Variants in SMYD3 observed in about 807,000 individuals in gnomAD.
SMYD3 encodes histone-lysine N-methyltransferase SMYD3.
A neutral mutation model predicts 57.7 loss-of-function variants in SMYD3; 36 were observed. The observed-to-expected ratio is 0.62, with a 90% CI of 0.48 to 0.82. The LOEUF is 0.82. Ranked by LOEUF, SMYD3 falls within the 40% of genes least tolerant of loss-of-function variation. The pLI, the probability that SMYD3 is intolerant of heterozygous loss-of-function variation, is 0.00. For missense variants in SMYD3, 515 were observed against 538.8 expected (o/e 0.96, Z 0.44); for synonymous variants, 211 against 195.0 (o/e 1.08, Z -0.68).
At chr1:245,923,780 T>C (rs567860788) in intron 7 of SMYD3, among the ~76,000 whole-genome samples, 1 of 152,328 alleles carries the variant, frequency 6.6e-6, no homozygotes, top group African/African-American at 2.4e-5. Flanking sequence ...CTTAATTCTA[T>C]TATTGTTTTC....
chr1:245,984,772 A>C (rs1274243312), intron 5 of SMYD3, among the ~76,000 whole-genome samples: 1 of 152,216 alleles, frequency 6.6e-6, no homozygotes, highest in East Asian at 1.9e-4. Context: ...AAGCATATAA[A>C]CATGTTCAAA....
intron 5 of SMYD3, among the ~76,000 whole-genome samples, chr1:245,971,822 T>A (rs1464299816): frequency 2.0e-5 from 3 of 152,178 alleles, no homozygotes; most frequent in African/African-American, 7.2e-5. Context: ...TTAAAACAAC[T>A]CTGTGAAGGA....
intron 1 of SMYD3, among the ~76,000 whole-genome samples, chr1:246,386,940 C>T (rs374051651): frequency 1.3e-5 from 2 of 150,516 alleles, no homozygotes; most frequent in African/African-American, 4.9e-5. Flanking sequence ...AGGGACTACA[C>T]AATAAGCGAG....
intron 10 of SMYD3, among the ~76,000 whole-genome samples, chr1:245,802,038 T>G (rs1291686110): frequency 6.6e-6 from 1 of 152,196 alleles, no homozygotes; most frequent in Non-Finnish European, 1.5e-5. Context: ...AAAGGAAGGT[T>G]GCATGTTTTA....
intron 10 of SMYD3, among the ~76,000 whole-genome samples, chr1:245,769,179 A>G (rs770727601): frequency 6.6e-6 from 1 of 152,232 alleles, no homozygotes; most frequent in Non-Finnish European, 1.5e-5. Flanking sequence ...TGATGAAACC[A>G]TTAGATAAAA....
At chr1:246,257,438 A>C (rs1217366012) in intron 5 of SMYD3, among the ~76,000 whole-genome samples, 1 of 152,024 alleles carries the variant, frequency 6.6e-6, no homozygotes, top group Non-Finnish European at 1.5e-5. Flanking sequence ...GTTGGTTTAA[A>C]GTTTGTTTTA....
intron 8 of SMYD3, among the ~76,000 whole-genome samples, chr1:245,903,471 A>T (rs1250944244): frequency 6.6e-6 from 1 of 152,194 alleles, no homozygotes; most frequent in Non-Finnish European, 1.5e-5. Context: ...CCACAAGGAC[A>T]CCAAGTTAAC....
At chr1:246,315,941 AC>A (rs1391397081) in intron 5 of SMYD3, among the ~76,000 whole-genome samples, 3 of 152,210 alleles carry the variant, frequency 2.0e-5, no homozygotes, top group Non-Finnish European at 4.4e-5. Flanking sequence ...CCTAAAAAAA[AC>A]ACTCTGTTTC....
At chr1:245,938,892 T>C (rs1166881208) in intron 5 of SMYD3, among the ~76,000 whole-genome samples, 1 of 152,156 alleles carries the variant, frequency 6.6e-6, no homozygotes, top group Non-Finnish European at 1.5e-5. Context: ...GCAAGGAAGG[T>C]TCCCCTTTCC....
rs1249960666 is a variant in SMYD3 at position 245,785,005 on chromosome 1, G to A, written c.1077-20856C>T. ...GCTGGGATTACAGGCATGTACCATC[G>A]TGCCCAGCTAATTGTTTTGGGTTTT... On this transcript the variant is annotated intron_variant, in intron 10 of 11. Coordinates refer to ENST00000490107, the MANE Select transcript of SMYD3 (RefSeq NM_001167740.2). Among the ~76,000 whole-genome samples the A allele has an allele frequency of 4.0e-5, 6 of 151,460 alleles. No individual in the cohort carries two copies. The South Asian group carries it at 6.3e-4, about 16-fold the overall frequency.
intron 5 of SMYD3, among the ~76,000 whole-genome samples, chr1:246,200,330 G>A (rs1250289545): frequency 3.3e-5 from 5 of 151,684 alleles, no homozygotes; most frequent in African/African-American, 4.8e-5. Context: ...GGAGAACAGC[G>A]TAGACGCTGA....
intron 1 of SMYD3, among the ~76,000 whole-genome samples, chr1:246,462,235 G>A (rs574014001): frequency 5.6e-4 from 34 of 60,654 alleles, no homozygotes; most frequent in Non-Finnish European, 9.4e-4. Context: ...GCATCCTCCC[G>A]CGGGGCCTGC....
intron 8 of SMYD3, among the ~76,000 whole-genome samples, chr1:245,878,985 T>A (rs72766700): frequency 0.11 from 17,108 of 152,206 alleles, 1,141 homozygotes; most frequent in South Asian, 0.27. Flanking sequence ...AATTTGTATT[T>A]GTTTGGCCTC....
At chr1:245,943,842 A>C (rs576615755) in intron 5 of SMYD3, among the ~76,000 whole-genome samples, 15 of 152,282 alleles carry the variant, frequency 9.9e-5, no homozygotes, top group African/African-American at 3.4e-4. Context: ...GCAAATCGGT[A>C]AATAAATGTA....
At chr1:246,092,839 T>C (rs1463674309) in intron 5 of SMYD3, among the ~76,000 whole-genome samples, 1 of 151,972 alleles carries the variant, frequency 6.6e-6, no homozygotes, top group African/African-American at 2.4e-5. Context: ...GAGAAGATAT[T>C]TGCAAACTCT....
intron 1 of SMYD3, among the ~76,000 whole-genome samples, chr1:246,431,257 T>A (rs1159966876): frequency 6.6e-6 from 1 of 152,242 alleles, no homozygotes; most frequent in Non-Finnish European, 1.5e-5. Flanking sequence ...ATAGGATTTT[T>A]ACATTCAACA....
chr1:245,751,623 AG>A (rs2045382558), intron 11 of SMYD3, among the ~76,000 whole-genome samples: 1 of 148,392 alleles, frequency 6.7e-6, no homozygotes, highest in East Asian at 2.1e-4. Context: ...AGAGAGAAAA[AG>A]AGAGAGAGAG....
intron 8 of SMYD3, among the ~76,000 whole-genome samples, chr1:245,890,307 G>A (rs1285338599): frequency 6.6e-6 from 1 of 152,106 alleles, no homozygotes; most frequent in East Asian, 1.9e-4. Flanking sequence ...CACAGAATGG[G>A]TGAAAATATC....
At chr1:246,339,849 G>A (rs908324966) in intron 2 of SMYD3, among the ~76,000 whole-genome samples, 8 of 152,200 alleles carry the variant, frequency 5.3e-5, no homozygotes, top group South Asian at 2.1e-4. Flanking sequence ...GCACGCTCCC[G>A]TCATGTGACG....
Sources: gnomAD v4.1 joint callset for allele counts (sites outside exome capture counted in the v4.1 genomes callset) on GRCh38, gnomAD v4.1.1 for gene constraint, MANE v1.5 for transcripts, NCBI Gene and HGNC (gene_info 2026-07-23, HGNC 2026-07-21) for gene names.